The following VPS13D variants were observed in gnomAD, a reference collection of about 807,000 sequenced individuals.
VPS13D encodes the protein intermembrane lipid transfer protein VPS13D.
VPS13D carries 187 observed loss-of-function variants against 461.9 expected under a neutral mutation model. That is an observed-to-expected ratio of 0.40 (90% confidence interval 0.36 to 0.46). The LOEUF (loss-of-function observed/expected upper bound fraction) is 0.46, where lower values mean the gene tolerates loss of function less well. VPS13D is among the 20% of genes least tolerant of loss of function. The pLI, the probability that VPS13D is intolerant of heterozygous loss-of-function variation, is 0.60. For synonymous variants in VPS13D, 1,951 were observed against 1,986.3 expected, an observed-to-expected ratio of 0.98 and a Z score of 0.47; for missense variants, 4,711 against 5,364.9, an observed-to-expected ratio of 0.88 and a Z score of 3.81.
rs145991756 is a variant in VPS13D, at chr1:12,446,865, T to G, written c.12334-9133T>G. Reference sequence around the variant, plus strand: ...TCTTCCTAGTATAAATGGTACATACTAGTAATGTAAGCTGGTGTGGTGTGA... The same window carrying G: ...TCTTCCTAGTATAAATGGTACATACGAGTAATGTAAGCTGGTGTGGTGTGA... On this transcript the variant is annotated intron_variant, in intron 65 of 69. Coordinates refer to ENST00000620676, the MANE Select transcript of VPS13D (RefSeq NM_015378.4). Among the ~76,000 whole-genome samples, 191 of 152,354 alleles carry G rather than the reference T, an allele frequency of 1.3e-3. 1 individual carries two copies. The highest frequency in any genetic ancestry group is 4.4e-3 in the African/African-American group (181 of 41,582).
chr1:12,415,132 G>T lies in VPS13D; in HGVS notation c.12076G>T (p.Ala4026Ser), dbSNP rs774703534. The T allele has an allele frequency of 6.2e-7, 1 of 1,613,912 alleles. No homozygotes were observed. Reference protein sequence around the residue: ...LGFPLIRFEDAVINLDPFTRV... With the variant: ...LGFPLIRFEDSVINLDPFTRV... The stretch of plus-strand genomic sequence containing the variant: ...GTTTCCTTTGATACGGTTTGAAGAC[G>T]CTGTGATTAATCTAGATCCATTCAC... The change falls in exon 64 of 70, where the codon GCT (alanine) becomes TCT (serine). Residue 4026 changes from alanine to serine, a missense_variant. Around this residue, in one of 3 missense-constraint regions of VPS13D, gnomAD observed 4,411 missense variants for 4,937.8 expected, o/e 0.89. Coordinates refer to ENST00000620676, the MANE Select transcript of VPS13D (RefSeq NM_015378.4).
At position 12,304,491 on chromosome 1, in the gene VPS13D, TTTG is replaced by T. The variant is rs1191841492; in HGVS notation, c.6217-12_6217-10del. ...CCCATTTCCTGCATTCTAGTTTTAT[TTTG>T]TTCCTTCCCAGGAATCTGTGCCTTC... On this transcript the variant is annotated splice_polypyrimidine_tract_variant and intron_variant, in intron 25 of 69. Transcript: ENST00000620676. 1.4e-5 allele frequency: 23 copies of T among 1,604,354 alleles called. No individual in the cohort carries two copies. Among genetic ancestry groups the T allele is most frequent in the Non-Finnish European group, 1.9e-5 (22 of 1,175,260 alleles).
intron 66 of VPS13D, among the ~76,000 whole-genome samples, chr1:12,459,936 A>C (rs1570218801): frequency 6.8e-6 from 1 of 146,424 alleles, no homozygotes; most frequent in African/African-American, 2.5e-5. Context: ...TTAACCTCTC[A>C]GCTTTTCTCT....
chr1:12,318,055 C>T lies in VPS13D; in HGVS notation c.7149-17C>T. Reference sequence around the variant, plus strand: ...TTTCTTTTTTCCTATTTATTTTCTCCTGTCTTCTTTTTATAGATCTACCAA... The same window carrying T: ...TTTCTTTTTTCCTATTTATTTTCTCTTGTCTTCTTTTTATAGATCTACCAA... On this transcript the variant is annotated splice_polypyrimidine_tract_variant and intron_variant, in intron 30 of 69. Transcript: ENST00000620676. 1.3e-6 allele frequency: 2 copies of T among 1,587,556 alleles called. No individual in the cohort carries two copies. The highest frequency in any genetic ancestry group is 1.7e-5 in the Admixed American group (1 of 57,602).
rs750623255 is a variant in VPS13D at position 12,311,851 on chromosome 1, C to G, written c.6861C>G (p.Phe2287Leu). 6.2e-7 allele frequency: 1 copy of G among 1,614,010 alleles called. No individual in the cohort carries two copies. The highest frequency in any genetic ancestry group is 1.3e-5 in the African/African-American group (1 of 74,918). The change falls in exon 29 of 70, where the codon TTC becomes TTG. Residue 2287 changes from phenylalanine to leucine, a missense_variant. Physicochemically the swap from Phe to Leu is conservative, Grantham distance 22. Around this residue, in one of 3 missense-constraint regions of VPS13D, gnomAD observed 4,411 missense variants for 4,937.8 expected, o/e 0.89. Transcript: ENST00000620676. ...LSGEVYTCMC[F>L]LIDMVNVSLE... ...GAGAAGTGTACACCTGTATGTGCTT[C>G]CTCATTGATATGGTGAATGTAAGTC...
intron 52 of VPS13D, among the ~76,000 whole-genome samples, chr1:12,366,588 T>TGGA (rs967894772): frequency 2.0e-5 from 3 of 152,174 alleles, no homozygotes; most frequent in Non-Finnish European, 4.4e-5. Flanking sequence ...GAAGCCAGTT[T>TGGA]GGAGGAGGAG....
chr1:12,401,221 A>T (rs1436291712), intron 61 of VPS13D, among the ~76,000 whole-genome samples: 1 of 152,168 alleles, frequency 6.6e-6, no homozygotes, highest in Non-Finnish European at 1.5e-5. Context: ...CTGGTCCTTT[A>T]TCACCAGTGC....
rs1168760465 is a variant in VPS13D, at chr1:12,431,137, A to G, written c.12333+14310A>G. Among the ~76,000 whole-genome samples, 3 of 152,240 alleles carry G rather than the reference A, an allele frequency of 2.0e-5. 1 individual carries two copies. Among genetic ancestry groups the G allele is most frequent in the South Asian group, 2.1e-4 (1 of 4,830 alleles). ...AGAAGCCTAGTTTTAATAATATTTC[A>G]TATGATAATTTAAACTCTCTAACTT... On this transcript the variant is annotated intron_variant, in intron 65 of 69. Coordinates refer to ENST00000620676, the MANE Select transcript of VPS13D (RefSeq NM_015378.4).
chr1:12,310,825 C>CTCCTTCCTTCCTTCCCTCCTTCCT (rs1642722073), intron 27 of VPS13D, among the ~76,000 whole-genome samples: 1 of 113,846 alleles, frequency 8.8e-6, no homozygotes, highest in Admixed American at 9.0e-5. Context: ...CCCTCCTTCC[C>CTCCTTCCTTCCTTCCCTCCTTCCT]TCCTTCCTTC....
At chr1:12,323,144 A>T (rs1643083387) in intron 34 of VPS13D, among the ~76,000 whole-genome samples, 1 of 152,100 alleles carries the variant, frequency 6.6e-6, no homozygotes, top group Non-Finnish European at 1.5e-5. Context: ...ATCATAGCTT[A>T]TTGCAGCCTC....
At chr1:12,249,416 G>A in intron 6 of VPS13D, 77 bp downstream of exon 6, 1 of 1,179,948 alleles carries the variant, frequency 8.5e-7, no homozygotes. Context: ...TTGCCATTTT[G>A]TGTTATGTAA....
chr1:12,328,377 T>TA (rs1553179877), intron 36 of VPS13D, among the ~76,000 whole-genome samples: 4 of 149,482 alleles, frequency 2.7e-5, no homozygotes, highest in South Asian at 4.2e-4. Flanking sequence ...TTTTTTTTTT[T>TA]ACCTCAAAGG....
rs1645949574 is a variant in VPS13D at position 12,495,863 on chromosome 1, G to A, written c.12663-1637G>A. 6.6e-6 allele frequency among the ~76,000 whole-genome samples: 1 copy of A among 152,200 alleles called. No homozygotes were observed. Among genetic ancestry groups the A allele is most frequent in the South Asian group, 2.1e-4 (1 of 4,834 alleles). On this transcript the variant is annotated intron_variant, in intron 67 of 69. Coordinates refer to ENST00000620676, the MANE Select transcript of VPS13D (RefSeq NM_015378.4). The surrounding 1 kb of genome is among the most constrained non-coding windows in gnomAD (Gnocchi z 4.0). ...GACAGCAAGTGCTTTGCTAGGCAAG[G>A]AGATAAGAACAGAGCTCTGCTACGT... is the stretch of plus-strand genomic sequence containing the variant.
intron 42 of VPS13D, among the ~76,000 whole-genome samples, chr1:12,343,627 G>A (rs1211621743): frequency 3.3e-5 from 5 of 152,024 alleles, no homozygotes; most frequent in East Asian, 1.9e-4. Context: ...CTCTCACCTC[G>A]GCCTCCCAAA....
At chr1:12,494,552 A>G (rs1219051238) in intron 67 of VPS13D, among the ~76,000 whole-genome samples, 2 of 152,162 alleles carry the variant, frequency 1.3e-5, no homozygotes, top group African/African-American at 4.8e-5. Context: ...GAAACAAGCC[A>G]TCTTTCGTTG....
At chr1:12,322,473 A>C in intron 33 of VPS13D, 63 bp from the exon 34 acceptor site, 6 of 1,487,696 alleles carry the variant, frequency 4.0e-6, no homozygotes, top group Non-Finnish European at 4.7e-6. Flanking sequence ...TACATCTGTA[A>C]GAGATATGGA....
At chr1:12,435,380 G>A (rs1269533308) in intron 65 of VPS13D, among the ~76,000 whole-genome samples, 2 of 152,098 alleles carry the variant, frequency 1.3e-5, no homozygotes, top group South Asian at 2.1e-4. Flanking sequence ...AGGATCATCC[G>A]AGCCTAGGAA....
intron 2 of VPS13D, among the ~76,000 whole-genome samples, chr1:12,237,512 TC>T (rs1640195722): frequency 6.6e-6 from 1 of 150,386 alleles, no homozygotes; most frequent in Admixed American, 6.7e-5. Context: ...TTTCACTTGT[TC>T]AGTCATTCAA....
chr1:12,427,284 C>G (rs1275292713), intron 65 of VPS13D, among the ~76,000 whole-genome samples: 3 of 137,660 alleles, frequency 2.2e-5, no homozygotes, highest in Non-Finnish European at 4.7e-5. Flanking sequence ...TATTATTACT[C>G]CTGTTACCAT....
Sources: allele counts gnomAD v4.1 joint callset (sites outside exome capture counted in the v4.1 genomes callset), GRCh38; gene constraint gnomAD v4.1.1; regional missense constraint gnomAD v4.1.1; non-coding constraint Gnocchi (gnomAD v3.1); transcripts MANE v1.5; gene names NCBI Gene and HGNC (gene_info 2026-07-23, HGNC 2026-07-21).